SOX5: variants seen among roughly 807,000 people sequenced by gnomAD.
SOX5 encodes SRY-box transcription factor 5.
A neutral mutation model predicts 92.0 loss-of-function variants in SOX5; 9 were observed. That is an observed-to-expected ratio of 0.10 (90% CI 0.06 to 0.17). The LOEUF (loss-of-function observed/expected upper bound fraction) is 0.17, where lower values mean the gene tolerates loss of function less well. SOX5 is among the 10% of genes least tolerant of loss of function. The probability of loss-of-function intolerance (pLI) is 1.00; values close to 1 mark genes in which losing one functional copy is unlikely to be tolerated. For missense variants in SOX5, 642 were observed against 944.5 expected (o/e 0.68, Z 4.20); for synonymous variants, 344 against 336.3 (o/e 1.02, Z -0.25).
intron 1 of SOX5, among the ~76,000 whole-genome samples, chr12:24,390,525 T>C (rs1403980416): frequency 1.3e-5 from 2 of 152,164 alleles, no homozygotes; most frequent in Non-Finnish European, 2.9e-5. Flanking sequence ...AGTGTACCCA[T>C]TGCCCAAATA....
At chr12:24,203,247 C>T (rs974001672) in intron 4 of SOX5, among the ~76,000 whole-genome samples, 1 of 152,122 alleles carries the variant, frequency 6.6e-6, no homozygotes, top group African/African-American at 2.4e-5. Context: ...GTGGATCCTG[C>T]GTTATTTCAA....
chr12:24,078,731 C>A (rs966489915), intron 4 of SOX5, among the ~76,000 whole-genome samples: 2 of 152,004 alleles, frequency 1.3e-5, no homozygotes, highest in Non-Finnish European at 2.9e-5. Context: ...TATCTCTATG[C>A]TCTCCACAAA....
intron 4 of SOX5, among the ~76,000 whole-genome samples, chr12:24,016,739 A>C: frequency 6.6e-6 from 1 of 152,200 alleles, no homozygotes; most frequent in South Asian, 2.1e-4. Context: ...GCATAGGACT[A>C]CCAACCTTTT....
At chr12:23,684,233 C>T (rs1478610942) in intron 6 of SOX5, among the ~76,000 whole-genome samples, 1 of 151,984 alleles carries the variant, frequency 6.6e-6, no homozygotes, top group African/African-American at 2.4e-5. Context: ...GTCTTCCAAA[C>T]CTAATGACGG....
intron 4 of SOX5, among the ~76,000 whole-genome samples, chr12:24,205,445 T>C (rs975972811): frequency 6.6e-6 from 1 of 152,204 alleles, no homozygotes; most frequent in Non-Finnish European, 1.5e-5. Flanking sequence ...ATTCTTATAC[T>C]AATTTTATAG....
intron 2 of SOX5, among the ~76,000 whole-genome samples, chr12:23,869,055 C>G (rs1284799382): frequency 9.9e-5 from 15 of 152,114 alleles, no homozygotes; most frequent in Non-Finnish European, 2.2e-4. Flanking sequence ...CTCTGCACTT[C>G]TGTATTTACA....
At chr12:23,731,851 G>A (rs542755719) in intron 6 of SOX5, among the ~76,000 whole-genome samples, 9 of 152,134 alleles carry the variant, frequency 5.9e-5, no homozygotes, top group African/African-American at 1.9e-4. Flanking sequence ...ATCAATATAC[G>A]CGTTGTTTTC....
intron 3 of SOX5, among the ~76,000 whole-genome samples, chr12:24,257,097 G>A (rs1941326148): frequency 6.6e-6 from 1 of 152,170 alleles, no homozygotes; most frequent in African/African-American, 2.4e-5. Context: ...TGGTTGCTGG[G>A]TACAGAAAGT....
chr12:24,322,316 G>A (rs375385304), intron 2 of SOX5, among the ~76,000 whole-genome samples: 1 of 152,032 alleles, frequency 6.6e-6, no homozygotes, highest in Non-Finnish European at 1.5e-5. Context: ...TTAAGCACTC[G>A]CCTAAGGTGC....
intron 4 of SOX5, among the ~76,000 whole-genome samples, chr12:23,998,976 T>C (rs1951317652): frequency 6.6e-6 from 1 of 151,858 alleles, no homozygotes; most frequent in Admixed American, 6.6e-5. Flanking sequence ...ATCAAGTTAT[T>C]AAAAGCTAAA....
intron 1 of SOX5, among the ~76,000 whole-genome samples, chr12:24,444,086 A>G (rs1941085516): frequency 6.6e-6 from 1 of 152,172 alleles, no homozygotes; most frequent in African/African-American, 2.4e-5. Flanking sequence ...AAGTTTCTCT[A>G]AACACACTTC....
At chr12:24,407,120 C>A (rs115748388) in intron 1 of SOX5, among the ~76,000 whole-genome samples, 1 of 152,166 alleles carries the variant, frequency 6.6e-6, no homozygotes, top group African/African-American at 2.4e-5. Context: ...GCTTTTTAAT[C>A]CCAAGAGTTT....
intron 2 of SOX5, among the ~76,000 whole-genome samples, chr12:24,361,902 C>G (rs1955613056): frequency 6.6e-6 from 1 of 152,190 alleles, no homozygotes; most frequent in Non-Finnish European, 1.5e-5. Flanking sequence ...TCTTCTTCTA[C>G]TCCAAGAGTC....
chr12:23,720,036 C>T (rs561038915), intron 6 of SOX5, among the ~76,000 whole-genome samples: 1 of 152,236 alleles, frequency 6.6e-6, no homozygotes, highest in African/African-American at 2.4e-5. Context: ...CAAGATCATG[C>T]TTGTAATGCA....
intron 1 of SOX5, among the ~76,000 whole-genome samples, chr12:24,399,487 G>C (rs187424231): frequency 6.6e-6 from 1 of 152,330 alleles, no homozygotes; most frequent in East Asian, 1.9e-4. Context: ...AGAGTATTTA[G>C]AGCAAATTCT....
intron 4 of SOX5, among the ~76,000 whole-genome samples, chr12:23,750,638 T>TA (rs2094151913): frequency 6.6e-6 from 1 of 151,934 alleles, no homozygotes; most frequent in South Asian, 2.1e-4. Context: ...AACAAGCAAT[T>TA]TTTTTAAATG....
rs556673478 is a variant in SOX5, at chr12:23,882,076, G to C, written c.270+13717C>G. 1.1e-3 allele frequency among the ~76,000 whole-genome samples: 161 copies of C among 152,272 alleles called. 1 individual carries two copies. The highest frequency in any genetic ancestry group is 3.7e-3 in the African/African-American group (154 of 41,552). On this transcript the variant is annotated intron_variant, in intron 2 of 14. Coordinates refer to ENST00000451604, the MANE Select transcript of SOX5 (RefSeq NM_006940.6). ...TAATCATCAAGAATTAGCAGTTGAA[G>C]ATATACACATCCTCAGTAGGTGTGT...
intron 6 of SOX5, among the ~76,000 whole-genome samples, chr12:23,697,429 G>T (rs533442191): frequency 6.6e-6 from 1 of 152,114 alleles, no homozygotes; most frequent in Non-Finnish European, 1.5e-5. Flanking sequence ...GCATTAACCT[G>T]TTTCTTTATA....
chr12:24,069,071 A>G (rs1325560537), intron 4 of SOX5, among the ~76,000 whole-genome samples: 3 of 152,076 alleles, frequency 2.0e-5, no homozygotes, highest in Non-Finnish European at 4.4e-5. Flanking sequence ...TCAGAAAATA[A>G]TATTTTGCAT....
Sources: allele counts gnomAD v4.1 joint callset (sites outside exome capture counted in the v4.1 genomes callset), GRCh38; gene constraint gnomAD v4.1.1; transcripts MANE v1.5; gene names NCBI Gene and HGNC (gene_info 2026-07-23, HGNC 2026-07-21).